The following IGF2BP3 variants were observed in gnomAD, a reference collection of about 807,000 sequenced individuals.
IGF2BP3 encodes insulin like growth factor 2 mRNA binding protein 3.
IGF2BP3 carries 9 observed loss-of-function variants against 73.8 expected under a neutral mutation model. That is an observed-to-expected ratio of 0.12 (90% CI 0.07 to 0.21). IGF2BP3 has a LOEUF of 0.21. Among genes scored for constraint, IGF2BP3 ranks in the 10% least tolerant of loss-of-function variants. IGF2BP3 has a pLI of 1.00. For missense variants in IGF2BP3, 542 were observed against 714.0 expected, an observed-to-expected ratio of 0.76 and a Z score of 2.75; for synonymous variants, 258 against 256.7, an observed-to-expected ratio of 1.01 and a Z score of -0.05.
intron 3 of IGF2BP3, 105 bp downstream of exon 3, chr7:23,418,671 G>T: frequency 1.4e-6 from 1 of 731,392 alleles, no homozygotes; most frequent in Non-Finnish European, 2.3e-6. Context: ...AGAATTTTAT[G>T]TTCTAGCACA....
intron 10 of IGF2BP3, among the ~76,000 whole-genome samples, chr7:23,333,234 A>G (rs951555148): frequency 2.0e-5 from 3 of 152,266 alleles, no homozygotes; most frequent in African/African-American, 7.2e-5. Context: ...ATTTTTTAAA[A>G]AGTTAGTTGC....
intron 2 of IGF2BP3, among the ~76,000 whole-genome samples, chr7:23,461,302 T>C (rs1788446240): frequency 6.6e-6 from 1 of 152,208 alleles, no homozygotes; most frequent in East Asian, 1.9e-4. Flanking sequence ...TTGATGATCA[T>C]GTCCAATTCC....
At chr7:23,363,924 C>G (rs1785297920) in intron 3 of IGF2BP3, among the ~76,000 whole-genome samples, 1 of 152,162 alleles carries the variant, frequency 6.6e-6, no homozygotes, top group African/African-American at 2.4e-5. Flanking sequence ...ATAAAATATA[C>G]AACACATAAT....
chr7:23,422,977 G>A (rs1472181391), intron 2 of IGF2BP3, among the ~76,000 whole-genome samples: 4 of 152,270 alleles, frequency 2.6e-5, no homozygotes, highest in East Asian at 1.9e-4. Flanking sequence ...GTTTCACCAC[G>A]TTGGCCAGGC....
chr7:23,417,694 T>C (rs376182542), intron 3 of IGF2BP3, among the ~76,000 whole-genome samples: 3 of 152,150 alleles, frequency 2.0e-5, no homozygotes, highest in African/African-American at 7.2e-5. Flanking sequence ...AATAAGGGGA[T>C]TGAACTAGTA....
intron 7 of IGF2BP3, among the ~76,000 whole-genome samples, chr7:23,346,653 C>T (rs959703501): frequency 6.0e-5 from 9 of 150,822 alleles, no homozygotes; most frequent in Admixed American, 5.3e-4. Context: ...CGTGCAGTGG[C>T]GCGATCTCGG....
intron 3 of IGF2BP3, among the ~76,000 whole-genome samples, chr7:23,397,530 A>G (rs1309818019): frequency 1.3e-5 from 2 of 151,774 alleles, no homozygotes; most frequent in East Asian, 3.9e-4. Context: ...AACTAGCCAT[A>G]CGCCATGCCT....
At chr7:23,413,684 T>A (rs1183062794) in intron 3 of IGF2BP3, 1 of 152,214 alleles carries the variant, frequency 6.6e-6, no homozygotes, top group Non-Finnish European at 1.5e-5. Flanking sequence ...CCCTGTGGCA[T>A]CTGAACATCC....
At chr7:23,427,248 A>G (rs1787539139) in intron 2 of IGF2BP3, among the ~76,000 whole-genome samples, 1 of 152,130 alleles carries the variant, frequency 6.6e-6, no homozygotes, top group Non-Finnish European at 1.5e-5. Flanking sequence ...TGCGGGCAGG[A>G]AGCTCCAATT....
chr7:23,382,894 CAAAAAAAA>C lies in IGF2BP3; in HGVS notation c.286-21161_286-21154del, dbSNP rs57466793. Among the ~76,000 whole-genome samples, 53 of 49,116 alleles carry C rather than the reference CAAAAAAAA, an allele frequency of 1.1e-3. 1 individual carries two copies. In the South Asian group the frequency reaches 0.014, roughly 13 times the overall value. 32.2% of individuals were successfully genotyped at this position (49,116 alleles called of 152,430 possible). On this transcript the variant is annotated intron_variant, in intron 3 of 14. Transcript: ENST00000258729. ...GCAATACAGAAAAACCTAGCTCTAC[CAAAAAAAA>C]AAAAAAAAAAAAAAAAATCAATCAG...
intron 3 of IGF2BP3, among the ~76,000 whole-genome samples, chr7:23,381,869 G>A (rs889088403): frequency 1.1e-4 from 16 of 149,852 alleles, no homozygotes; most frequent in African/African-American, 3.4e-4. Context: ...CAATGCACCC[G>A]GCCTTAAAAC....
chr7:23,377,014 G>A (rs1312801594), intron 3 of IGF2BP3, among the ~76,000 whole-genome samples: 1 of 151,912 alleles, frequency 6.6e-6, no homozygotes. Context: ...TAAACATGAG[G>A]AATGGTTAAG....
At chr7:23,393,660 T>C (rs2128522114) in intron 3 of IGF2BP3, among the ~76,000 whole-genome samples, 1 of 152,338 alleles carries the variant, frequency 6.6e-6, no homozygotes, top group Non-Finnish European at 1.5e-5. Flanking sequence ...AGAATTTTTA[T>C]ATTCTCAAAG....
intron 10 of IGF2BP3, among the ~76,000 whole-genome samples, chr7:23,323,219 A>G (rs911052634): frequency 1.3e-5 from 2 of 151,956 alleles, no homozygotes; most frequent in African/African-American, 4.9e-5. Context: ...AAAAGGATGG[A>G]GGAAGATCTA....
intron 10 of IGF2BP3, among the ~76,000 whole-genome samples, chr7:23,333,397 G>C (rs1784490358): frequency 6.6e-6 from 1 of 152,152 alleles, no homozygotes; most frequent in Non-Finnish European, 1.5e-5. Flanking sequence ...GCCCGAACAT[G>C]CATGTGTCTT....
chr7:23,345,619 G>A (rs1055585228), intron 8 of IGF2BP3, among the ~76,000 whole-genome samples: 2 of 152,246 alleles, frequency 1.3e-5, no homozygotes, highest in Non-Finnish European at 2.9e-5. Context: ...GCTGTCAAAT[G>A]TTGGGATAAT....
rs1241409754 is a variant in IGF2BP3, at chr7:23,375,020, T to C, written c.286-13279A>G. On this transcript the variant is annotated intron_variant, in intron 3 of 14. Coordinates refer to ENST00000258729, the MANE Select transcript of IGF2BP3 (RefSeq NM_006547.3). ...ATTTCTCAATTTTTAAAAAGGTATG[T>C]GTATATGCTCATATATTCACATATA... Among the ~76,000 whole-genome samples, 3 of 152,218 alleles carry C rather than the reference T, an allele frequency of 2.0e-5. No individual in the cohort carries two copies. The East Asian group carries it at 5.8e-4, about 29-fold the overall frequency.
chr7:23,408,554 G>A (rs1468394312), intron 3 of IGF2BP3, among the ~76,000 whole-genome samples: 1 of 152,208 alleles, frequency 6.6e-6, no homozygotes, highest in Non-Finnish European at 1.5e-5. Flanking sequence ...ACTGTTGGTA[G>A]AAATGTAAAA....
intron 2 of IGF2BP3, among the ~76,000 whole-genome samples, chr7:23,421,261 C>T (rs1348720183): frequency 2.6e-5 from 4 of 152,046 alleles, no homozygotes; most frequent in Admixed American, 1.3e-4. Flanking sequence ...CCGCCTGCCT[C>T]GGCCTCCCAG....
Sources: gnomAD v4.1 joint callset for allele counts (sites outside exome capture counted in the v4.1 genomes callset) on GRCh38, gnomAD v4.1.1 for gene constraint, MANE v1.5 for transcripts, NCBI Gene and HGNC (gene_info 2026-07-23, HGNC 2026-07-21) for gene names.